The following IGSF21 variants were observed in gnomAD, a reference collection of about 807,000 sequenced individuals.
IGSF21 encodes the protein immunoglobulin superfamily member 21.
In IGSF21, 28 loss-of-function variants were observed where a neutral mutation model predicts 46.8. The ratio of observed to expected loss-of-function variants is 0.60; its 90% confidence interval spans 0.44 to 0.82. The LOEUF (loss-of-function observed/expected upper bound fraction) is 0.82. Ranked by LOEUF, IGSF21 falls within the 40% of genes least tolerant of loss-of-function variation. The probability of loss-of-function intolerance (pLI) is 0.00; values close to 1 mark genes in which losing one functional copy is unlikely to be tolerated. For missense variants in IGSF21, 624 were observed against 665.5 expected, an observed-to-expected ratio of 0.94 and a Z score of 0.69; for synonymous variants, 284 against 273.6, an observed-to-expected ratio of 1.04 and a Z score of -0.38.
intron 5 of IGSF21, among the ~76,000 whole-genome samples, chr1:18,362,447 C>T (rs1308282035): frequency 1.3e-5 from 2 of 152,206 alleles, no homozygotes; most frequent in African/African-American, 2.4e-5. Context: ...GCTGAGAACC[C>T]CCACTTCTCC....
rs370299460 is a variant in IGSF21, at chr1:18,157,597, A to G, written c.70+49399A>G. On this transcript the variant is annotated intron_variant, in intron 1 of 9. Transcript: ENST00000251296. The stretch of plus-strand genomic sequence containing the variant: ...TGTCCGCTCTGACTTTCTGCCTCCC[A>G]GCCCGGTCTGGTACACACGTTAAGC... 6.9e-4 allele frequency among the ~76,000 whole-genome samples: 105 copies of G among 152,294 alleles called. 2 individuals are homozygous for G. Among genetic ancestry groups the G allele is most frequent in the African/African-American group, 2.5e-3 (103 of 41,578 alleles).
intron 3 of IGSF21, among the ~76,000 whole-genome samples, chr1:18,297,007 G>C (rs1327147381): frequency 6.6e-6 from 1 of 152,148 alleles, no homozygotes; most frequent in African/African-American, 2.4e-5. Flanking sequence ...TTGCCAACAA[G>C]GTCCTACTTG....
intron 3 of IGSF21, among the ~76,000 whole-genome samples, chr1:18,324,266 G>A (rs987633620): frequency 2.6e-5 from 4 of 152,318 alleles, no homozygotes; most frequent in Non-Finnish European, 4.4e-5. Context: ...ATTCTCCTGC[G>A]TTGTGTGGTG....
At chr1:18,321,248 C>T (rs1162890112) in intron 3 of IGSF21, among the ~76,000 whole-genome samples, 1 of 152,212 alleles carries the variant, frequency 6.6e-6, no homozygotes, top group East Asian at 1.9e-4. Flanking sequence ...CACCAGGCCT[C>T]CATGTTGCTG....
chr1:18,243,936 A>T (rs2084758538), intron 2 of IGSF21, among the ~76,000 whole-genome samples: 1 of 152,072 alleles, frequency 6.6e-6, no homozygotes, highest in South Asian at 2.1e-4. Context: ...CCCATTCTCC[A>T]TATCTGTGTC....
intron 2 of IGSF21, among the ~76,000 whole-genome samples, chr1:18,248,082 G>A (rs936640514): frequency 6.6e-6 from 1 of 152,230 alleles, no homozygotes; most frequent in South Asian, 2.1e-4. Flanking sequence ...TACACTGCAA[G>A]GAGGATTTTT....
chr1:18,110,566 GC>G (rs957127873), intron 1 of IGSF21: 11 of 152,254 alleles, frequency 7.2e-5, no homozygotes, highest in Admixed American at 6.5e-4. Flanking sequence ...CGCCGGTTCT[GC>G]CCCTTTGGGT....
At chr1:18,368,823 G>A (rs1310414205) in intron 6 of IGSF21, among the ~76,000 whole-genome samples, 2 of 152,234 alleles carry the variant, frequency 1.3e-5, no homozygotes, top group Non-Finnish European at 2.9e-5. Context: ...ATAAGGAGGA[G>A]AAAGATGAAA....
At chr1:18,277,366 A>G (rs970483977) in intron 2 of IGSF21, among the ~76,000 whole-genome samples, 6 of 152,062 alleles carry the variant, frequency 3.9e-5, no homozygotes, top group African/African-American at 1.2e-4. Flanking sequence ...CCTCCTGTAC[A>G]CTCTGATGCT....
At chr1:18,251,043 G>A (rs2084836535) in intron 2 of IGSF21, among the ~76,000 whole-genome samples, 1 of 152,120 alleles carries the variant, frequency 6.6e-6, no homozygotes, top group South Asian at 2.1e-4. Context: ...AGACCTGAGG[G>A]AAGAGCATGC....
intron 1 of IGSF21, among the ~76,000 whole-genome samples, chr1:18,202,310 C>T (rs1431477267): frequency 6.6e-6 from 1 of 152,202 alleles, no homozygotes; most frequent in East Asian, 1.9e-4. Context: ...TCAAGGCAAA[C>T]TCTGGGAGCC....
At chr1:18,135,789 G>T (rs2086362947) in intron 1 of IGSF21, among the ~76,000 whole-genome samples, 2 of 152,186 alleles carry the variant, frequency 1.3e-5, no homozygotes, top group Non-Finnish European at 2.9e-5. Flanking sequence ...TAATGGGATG[G>T]CTGGGTCAAA....
Position 18,227,997 on chromosome 1 carries a change from T to C in IGSF21, c.170T>C (p.Ile57Thr). Residue 57 changes from isoleucine (I) to threonine (T), a missense_variant, in exon 2 of 10, where the codon ATC becomes ACC. Coordinates refer to ENST00000251296, the MANE Select transcript of IGSF21 (RefSeq NM_032880.5). ...AAGACAGATGGGCGCATGCGGGAGATCGTGTGGTACCGGGTAAGTCACTAC... is the reference window on the plus strand; with the variant it reads ...AAGACAGATGGGCGCATGCGGGAGACCGTGTGGTACCGGGTAAGTCACTAC... ...NFKTDGRMRE[I>T]VWYRVTDGGT... 6.2e-7 allele frequency: 1 copy of C among 1,613,672 alleles called. No individual in the cohort carries two copies. Among genetic ancestry groups the C allele is most frequent in the East Asian group, 2.2e-5 (1 of 44,852 alleles).
At chr1:18,376,483 C>A in intron 7 of IGSF21, 88 bp downstream of exon 7, 1 of 984,588 alleles carries the variant, frequency 1.0e-6, no homozygotes, top group Admixed American at 1.7e-5. Flanking sequence ...TCCTCTCTAA[C>A]ACTCTTCCTT....
At chr1:18,118,629 ACTT>A (rs1365238048) in intron 1 of IGSF21, among the ~76,000 whole-genome samples, 1 of 152,128 alleles carries the variant, frequency 6.6e-6, no homozygotes, top group Non-Finnish European at 1.5e-5. Context: ...CCCCACAAAG[ACTT>A]CTTTGTTTCC....
At chr1:18,231,591 G>A (rs908578224) in intron 2 of IGSF21, among the ~76,000 whole-genome samples, 4 of 152,174 alleles carry the variant, frequency 2.6e-5, no homozygotes, top group African/African-American at 7.2e-5. Flanking sequence ...CCAGTCACAC[G>A]TGGATGTTAA....
intron 1 of IGSF21, among the ~76,000 whole-genome samples, chr1:18,123,836 C>T (rs1422271121): frequency 6.6e-6 from 1 of 152,098 alleles, no homozygotes; most frequent in Non-Finnish European, 1.5e-5. Flanking sequence ...ACACAGGGGA[C>T]AGATGAAGTG....
intron 2 of IGSF21, among the ~76,000 whole-genome samples, chr1:18,279,546 T>G (rs2085138400): frequency 6.6e-6 from 1 of 152,092 alleles, no homozygotes; most frequent in Admixed American, 6.5e-5. Flanking sequence ...TGGGCCCCAT[T>G]TAACAGATGG....
chr1:18,273,039 C>CTTTTTTTTTTTTTTTTTTTTTTT (rs760448516), intron 2 of IGSF21, among the ~76,000 whole-genome samples: 2 of 80,722 alleles, frequency 2.5e-5, no homozygotes, highest in Non-Finnish European at 4.8e-5. Context: ...CCAGACGGAT[C>CTTTTTTTTTTTTTTTTTTTTTTT]TTTTTTTTTT....
Sources: allele counts gnomAD v4.1 joint callset (sites outside exome capture counted in the v4.1 genomes callset), GRCh38; gene constraint gnomAD v4.1.1; transcripts MANE v1.5; gene names NCBI Gene and HGNC (gene_info 2026-07-23, HGNC 2026-07-21).